Variants in APP observed in about 807,000 individuals in gnomAD.
APP encodes the protein amyloid beta precursor protein, also known as amyloid-beta precursor protein.
APP carries 31 observed loss-of-function variants against 101.4 expected under a neutral mutation model. The ratio of observed to expected loss-of-function variants is 0.31; its 90% CI spans 0.23 to 0.41. The LOEUF (loss-of-function observed/expected upper bound fraction) is 0.41. Ranked by LOEUF, APP falls within the 10% of genes least tolerant of loss-of-function variation. APP has a pLI of 1.00. For missense variants in APP, 839 were observed against 1,003.7 expected, an observed-to-expected ratio of 0.84 and a Z score of 2.22; for synonymous variants, 366 against 364.4, an observed-to-expected ratio of 1.00 and a Z score of -0.05.
At chr21:26,103,249 C>T (rs1202299004) in intron 2 of APP, among the ~76,000 whole-genome samples, 1 of 152,222 alleles carries the variant, frequency 6.6e-6, no homozygotes, top group Non-Finnish European at 1.5e-5. Context: ...TAAAAACAAA[C>T]TGAAGGCAAA....
rs214485 is a variant in APP, at chr21:25,882,009, C to A, written c.2212-238G>T. 0.92 allele frequency among the ~76,000 whole-genome samples: 139,916 copies of A among 152,084 alleles called. 64,497 individuals carry two copies. The highest frequency in any genetic ancestry group is 0.95 in the African/African-American group (39,429 of 41,506). ...GGTGGAAACCTTGACGCGCTTGCAACGTGTCCAGTGGTTGTTTCTGGTTCC... is the reference window on the plus strand; with the variant it reads ...GGTGGAAACCTTGACGCGCTTGCAAAGTGTCCAGTGGTTGTTTCTGGTTCC... On this transcript the variant is annotated intron_variant, in intron 17 of 17. Transcript: ENST00000346798.
chr21:26,090,638 T>C (rs1345969480), intron 2 of APP, among the ~76,000 whole-genome samples: 1 of 152,180 alleles, frequency 6.6e-6, no homozygotes, highest in East Asian at 1.9e-4. Context: ...ATTTTTGATG[T>C]GAAATAAATT....
chr21:26,126,812 T>C (rs895031569), intron 1 of APP, among the ~76,000 whole-genome samples: 1 of 152,146 alleles, frequency 6.6e-6, no homozygotes, highest in African/African-American at 2.4e-5. Flanking sequence ...CATGTCTTAC[T>C]GTTCTCTGTA....
At chr21:26,112,298 T>C (rs1355785963) in intron 1 of APP, 152 bp from the exon 2 acceptor site, 1 of 779,408 alleles carries the variant, frequency 1.3e-6, no homozygotes, top group Non-Finnish European at 2.2e-6. Flanking sequence ...AGATTAAGTG[T>C]TATGTATGCT....
At position 26,000,141 on chromosome 21, in the gene APP, T is replaced by C. The variant is rs773947319; in HGVS notation, c.907A>G (p.Met303Val). Residue 303 changes from methionine (M) to valine (V), a missense_variant, in exon 7 of 18, where the codon ATG becomes GTG. Met to Val is a conservative substitution (Grantham distance 21). Transcript: ENST00000346798. ...ACATCAAAGTACCAGCGGGAGATCA[T>C]TGCTCGGCACGGCCCCGTCTCGGCT... ...EQAETGPCRA[M>V]ISRWYFDVTE... is the part of the protein sequence containing the mutation. The C allele has an allele frequency of 6.2e-6, 10 of 1,614,074 alleles. No homozygotes were observed. The highest frequency in any genetic ancestry group is 5.3e-5 in the African/African-American group (4 of 74,926).
At chr21:26,021,436 T>C (rs1001597806) in intron 6 of APP, among the ~76,000 whole-genome samples, 10 of 152,124 alleles carry the variant, frequency 6.6e-5, no homozygotes, top group Admixed American at 6.5e-4. Flanking sequence ...TGTGCAATAC[T>C]GAATAAAATC....
chr21:25,894,981 C>T (rs1426140315), intron 16 of APP, among the ~76,000 whole-genome samples: 1 of 152,128 alleles, frequency 6.6e-6, no homozygotes, highest in East Asian at 1.9e-4. Context: ...CCTGGATTAG[C>T]CTGCAGCAGT....
chr21:25,904,091 A>G (rs2038658301), intron 15 of APP, among the ~76,000 whole-genome samples: 1 of 152,204 alleles, frequency 6.6e-6, no homozygotes, highest in African/African-American at 2.4e-5. Flanking sequence ...TTCTTTGACT[A>G]TCGCCTGGGG....
chr21:25,910,527 T>C (rs1035764271), intron 14 of APP, among the ~76,000 whole-genome samples: 4 of 152,236 alleles, frequency 2.6e-5, no homozygotes, highest in Non-Finnish European at 5.9e-5. Flanking sequence ...AAACATGTTA[T>C]TTGTATCTAG....
At chr21:25,975,731 A>G (rs1190043843) in intron 10 of APP, among the ~76,000 whole-genome samples, 1 of 152,240 alleles carries the variant, frequency 6.6e-6, no homozygotes, top group African/African-American at 2.4e-5. Flanking sequence ...GCAAGTTACA[A>G]TGTGAGTTTT....
intron 11 of APP, among the ~76,000 whole-genome samples, chr21:25,958,079 T>C (rs1773272066): frequency 6.6e-6 from 1 of 152,178 alleles, no homozygotes; most frequent in Non-Finnish European, 1.5e-5. Context: ...TGAATGTTTT[T>C]GTAAGATATT....
At chr21:26,089,777 G>T (rs112131586) in intron 3 of APP, 166 bp downstream of exon 3, 1 of 966,224 alleles carries the variant, frequency 1.0e-6, no homozygotes, top group Non-Finnish European at 1.5e-6. Context: ...GCTCCTATAG[G>T]GTCAGTGCAC....
intron 6 of APP, among the ~76,000 whole-genome samples, chr21:26,001,574 C>T (rs957360214): frequency 6.6e-6 from 1 of 152,242 alleles, no homozygotes; most frequent in Non-Finnish European, 1.5e-5. Context: ...TCTTGGCTCA[C>T]TGCAACCTCT....
intron 1 of APP, among the ~76,000 whole-genome samples, chr21:26,138,023 T>C (rs535998177): frequency 4.6e-5 from 7 of 152,168 alleles, no homozygotes; most frequent in Non-Finnish European, 8.8e-5. Flanking sequence ...AGAAAATCCT[T>C]ATGTGATTTA....
chr21:26,155,485 C>T lies in APP; in HGVS notation c.57+15079G>A, dbSNP rs45512898. On this transcript the variant is annotated intron_variant, in intron 1 of 17. Coordinates refer to ENST00000346798, the MANE Select transcript of APP (RefSeq NM_000484.4). ...ATTAGATCTAACGGTCCTATTATAC[C>T]TCTACTGGATAATTCTGCTTTAAAG... Among the ~76,000 whole-genome samples, 532 of 152,146 alleles carry T rather than the reference C, an allele frequency of 3.5e-3. 1 individual carries two copies. The highest frequency in any genetic ancestry group is 4.9e-3 in the Non-Finnish European group (335 of 68,014).
chr21:26,164,670 A>G (rs1473483876), intron 1 of APP, among the ~76,000 whole-genome samples: 4 of 152,126 alleles, frequency 2.6e-5, no homozygotes, highest in African/African-American at 9.7e-5. Context: ...CCTGGCCAAC[A>G]TGGTGAAACC....
intron 5 of APP, among the ~76,000 whole-genome samples, chr21:26,030,570 G>C (rs1480222946): frequency 1.3e-5 from 2 of 152,148 alleles, no homozygotes; most frequent in Non-Finnish European, 2.9e-5. Context: ...TATAATTACA[G>C]TAAAAGGCTA....
In APP at chr21:26,092,673, A is replaced by G. The variant is rs552870603; in HGVS notation, c.226-2601T>C. 5.3e-5 allele frequency among the ~76,000 whole-genome samples: 8 copies of G among 152,296 alleles called. No homozygotes were observed. The South Asian group carries it at 1.5e-3, about 28-fold the overall frequency. ...CCAAGAGTGAACCCTCAGGGAAACT[A>G]TGGACTTTGGGTGCTAATGATGTAT... On this transcript the variant is annotated intron_variant, in intron 2 of 17. Coordinates refer to ENST00000346798, the MANE Select transcript of APP (RefSeq NM_000484.4).
At chr21:26,094,583 T>A (rs1483851797) in intron 2 of APP, among the ~76,000 whole-genome samples, 4 of 148,980 alleles carry the variant, frequency 2.7e-5, no homozygotes, top group Non-Finnish European at 5.9e-5. Flanking sequence ...ATATAAAATA[T>A]AAATATATAG....
Sources: gnomAD v4.1 joint callset for allele counts (sites outside exome capture counted in the v4.1 genomes callset) on GRCh38, gnomAD v4.1.1 for gene constraint, MANE v1.5 for transcripts, NCBI Gene and HGNC (gene_info 2026-07-23, HGNC 2026-07-21) for gene names.